COL23A1: variants seen among roughly 807,000 people sequenced by gnomAD.
COL23A1 encodes the protein collagen alpha-1(XXIII) chain.
In COL23A1, 97 loss-of-function variants were observed where a neutral mutation model predicts 99.3. That is an observed-to-expected ratio of 0.98 (90% CI 0.83 to 1.16). The LOEUF (loss-of-function observed/expected upper bound fraction) is 1.16, where lower values mean the gene tolerates loss of function less well. Among genes scored for constraint, COL23A1 ranks in the 50% most tolerant of loss-of-function variants. COL23A1 has a pLI of 0.00. For missense variants in COL23A1, 762 were observed against 757.4 expected, an observed-to-expected ratio of 1.01 and a Z score of -0.07; for synonymous variants, 320 against 308.2, an observed-to-expected ratio of 1.04 and a Z score of -0.40.
chr5:178,341,437 C>A (rs573133112), intron 2 of COL23A1, among the ~76,000 whole-genome samples: 199 of 152,300 alleles, frequency 1.3e-3, no homozygotes, highest in African/African-American at 4.7e-3. Context: ...CAATCGGGTA[C>A]CCCAGAGCAC....
chr5:178,293,860 G>C (rs1233243704), intron 3 of COL23A1, among the ~76,000 whole-genome samples: 1 of 152,052 alleles, frequency 6.6e-6, no homozygotes, highest in African/African-American at 2.4e-5. Flanking sequence ...AAGACCTCTG[G>C]AGGGACAGGC....
At chr5:178,359,182 C>A (rs928060524) in intron 2 of COL23A1, among the ~76,000 whole-genome samples, 1 of 152,182 alleles carries the variant, frequency 6.6e-6, no homozygotes, top group Non-Finnish European at 1.5e-5. Flanking sequence ...CTCTCAGCCT[C>A]GGTTTCCACC....
intron 2 of COL23A1, among the ~76,000 whole-genome samples, chr5:178,388,086 A>G (rs1314467459): frequency 6.6e-6 from 1 of 152,140 alleles, no homozygotes; most frequent in Non-Finnish European, 1.5e-5. Context: ...CACCTGCCAG[A>G]GCCCTTCCGT....
intron 2 of COL23A1, among the ~76,000 whole-genome samples, chr5:178,349,752 C>A (rs1176419173): frequency 2.6e-5 from 4 of 152,226 alleles, no homozygotes; most frequent in Non-Finnish European, 5.9e-5. Flanking sequence ...CCAACCCTCA[C>A]CTGGGCCCCA....
At chr5:178,259,659 T>G in intron 12 of COL23A1, 62 bp downstream of exon 12, 1 of 692,210 alleles carries the variant, frequency 1.4e-6, no homozygotes, top group Non-Finnish European at 2.4e-6. Flanking sequence ...TCCCAGCCCC[T>G]GCCCTTCTCT....
intron 2 of COL23A1, among the ~76,000 whole-genome samples, chr5:178,469,636 T>C (rs1756632931): frequency 6.6e-6 from 1 of 152,072 alleles, no homozygotes; most frequent in South Asian, 2.1e-4. Context: ...CCTGCCTTCA[T>C]GTCCAACCAC....
intron 2 of COL23A1, among the ~76,000 whole-genome samples, chr5:178,343,940 C>A (rs372516430): frequency 6.6e-6 from 1 of 152,084 alleles, no homozygotes; most frequent in African/African-American, 2.4e-5. Context: ...GGATTACAGG[C>A]GTGAGCCACC....
chr5:178,247,122 C>G (rs1394626436), intron 22 of COL23A1, among the ~76,000 whole-genome samples: 1 of 146,764 alleles, frequency 6.8e-6, no homozygotes. Context: ...ACACCAAGCC[C>G]AAGACTTTGT....
At position 178,255,082 on chromosome 5, in the gene COL23A1, G is replaced by T; in HGVS notation, c.883-56C>A. On this transcript the variant is annotated intron_variant, in intron 15 of 28. Coordinates refer to ENST00000390654, the MANE Select transcript of COL23A1 (RefSeq NM_173465.4). The surrounding 1 kb of genome is among the most constrained non-coding windows in gnomAD (Gnocchi z 4.2). ...GGAAGAGCTACACTGAGTTGGAGGT[G>T]AAGTGGCAGCTGTCCCTGCATCACA... is the stretch of plus-strand genomic sequence containing the variant. 5 of 1,430,468 alleles carry T rather than the reference G, an allele frequency of 3.5e-6. No individual in the cohort carries two copies. In the Admixed American group the frequency reaches 8.4e-5, roughly 24 times the overall value. 88.6% of individuals were successfully genotyped at this position (1,430,468 alleles called of 1,614,324 possible). A position where few individuals can be genotyped will look rare whatever the true frequency, so the allele number is the denominator to read the frequency against.
chr5:178,314,704 G>A lies in COL23A1; in HGVS notation c.362-7785C>T, dbSNP rs186710524. Among the ~76,000 whole-genome samples, 3 of 152,258 alleles carry A rather than the reference G, an allele frequency of 2.0e-5. No homozygotes were observed. The East Asian group carries it at 5.8e-4, about 29-fold the overall frequency. On this transcript the variant is annotated intron_variant, in intron 2 of 28. Transcript: ENST00000390654. ...CAACTTTACACTTGGCCCCAATCTC[G>A]AGTCTACGGTATTAACTCACATATT...
chr5:178,578,747 G>A (rs534125579), intron 1 of COL23A1, among the ~76,000 whole-genome samples: 260 of 144,316 alleles, frequency 1.8e-3, no homozygotes, highest in African/African-American at 6.4e-3. Context: ...GCAGATGTGT[G>A]TGAAGCCTCT....
At chr5:178,369,425 C>T (rs753605530) in intron 2 of COL23A1, among the ~76,000 whole-genome samples, 57 of 152,306 alleles carry the variant, frequency 3.7e-4, no homozygotes, top group African/African-American at 1.2e-3. Context: ...TAACAAGAGA[C>T]GCTTCATCTT....
intron 3 of COL23A1, among the ~76,000 whole-genome samples, chr5:178,305,648 C>A (rs1424989691): frequency 6.6e-6 from 1 of 151,946 alleles, no homozygotes; most frequent in Non-Finnish European, 1.5e-5. Context: ...GGGTGGGAGT[C>A]CAGGTAGAGG....
In COL23A1 at chr5:178,403,131, T is replaced by TA. The variant is rs1296208700; in HGVS notation, c.362-96213dup. Among the ~76,000 whole-genome samples the TA allele has an allele frequency of 1.1e-4, 8 of 74,308 alleles. 1 individual carries two copies. The highest frequency in any genetic ancestry group is 3.5e-4 in the African/African-American group (8 of 22,886). The allele number at this position is 74,308 out of a possible 152,430, so 48.7% of individuals were successfully genotyped here. A position where few individuals can be genotyped will look rare whatever the true frequency, so the allele number is the denominator to read the frequency against. The stretch of plus-strand genomic sequence containing the variant: ...CTCAAAAAAAAAAAAAATAAATAAA[T>TA]AAAAAATAAATACCATTTACCGAAA... On this transcript the variant is annotated intron_variant, in intron 2 of 28. Coordinates refer to ENST00000390654, the MANE Select transcript of COL23A1 (RefSeq NM_173465.4).
intron 2 of COL23A1, among the ~76,000 whole-genome samples, chr5:178,427,914 C>T (rs1340654039): frequency 6.6e-6 from 1 of 152,210 alleles, no homozygotes; most frequent in African/African-American, 2.4e-5. Flanking sequence ...AACCCACAGA[C>T]TGTCCAGCAC....
At chr5:178,363,795 A>G (rs184823714) in intron 2 of COL23A1, among the ~76,000 whole-genome samples, 1 of 152,300 alleles carries the variant, frequency 6.6e-6, no homozygotes, top group East Asian at 1.9e-4. Context: ...CTGATGGCCT[A>G]TCCATCACCC....
At chr5:178,551,254 T>C (rs1761989801) in intron 2 of COL23A1, among the ~76,000 whole-genome samples, 1 of 151,540 alleles carries the variant, frequency 6.6e-6, no homozygotes, top group Non-Finnish European at 1.5e-5. Flanking sequence ...TTAATGAGTA[T>C]AATGGGCTCC....
rs527684591 is a variant in COL23A1 at position 178,308,807 on chromosome 5, G to T, written c.362-1888C>A. The stretch of plus-strand genomic sequence containing the variant: ...TGGTTATTAACTAAGCCCCAGGTTT[G>T]GGGGGCAGGTCAGCACTCTCGGGGG... On this transcript the variant is annotated intron_variant, in intron 2 of 28. Coordinates refer to ENST00000390654, the MANE Select transcript of COL23A1 (RefSeq NM_173465.4). The surrounding 1 kb of genome is among the most constrained non-coding windows in gnomAD (Gnocchi z 5.1). Among the ~76,000 whole-genome samples, 11 of 137,404 alleles carry T rather than the reference G, an allele frequency of 8.0e-5. No homozygotes were observed. Among genetic ancestry groups the T allele is most frequent in the African/African-American group, 2.7e-4 (10 of 36,440 alleles). The allele number at this position is 137,404 out of a possible 152,430, so 90.1% of individuals were successfully genotyped here. A position where few individuals can be genotyped will look rare whatever the true frequency, so the allele number is the denominator to read the frequency against.
chr5:178,349,458 C>T (rs1397555043), intron 2 of COL23A1, among the ~76,000 whole-genome samples: 1 of 151,848 alleles, frequency 6.6e-6, no homozygotes, highest in African/African-American at 2.4e-5. Context: ...TGGCAGCAGA[C>T]AAAAGTGGCT....
Sources: allele counts gnomAD v4.1 joint callset (sites outside exome capture counted in the v4.1 genomes callset), GRCh38; gene constraint gnomAD v4.1.1; non-coding constraint Gnocchi (gnomAD v3.1); transcripts MANE v1.5; gene names NCBI Gene and HGNC (gene_info 2026-07-23, HGNC 2026-07-21).